Variants in ZFHX3 observed in about 807,000 individuals in gnomAD.
ZFHX3 encodes zinc finger homeobox protein 3.
Under a neutral mutation model 279.1 loss-of-function variants are expected in ZFHX3, and 42 were observed. That is an observed-to-expected ratio of 0.15 (90% CI 0.12 to 0.19). The LOEUF (loss-of-function observed/expected upper bound fraction) is 0.19. Among genes scored for constraint, ZFHX3 ranks in the 10% least tolerant of loss-of-function variants. ZFHX3 has a pLI of 1.00. For synonymous variants in ZFHX3, 2,293 were observed against 1,957.8 expected (o/e 1.17, Z -4.52); for missense variants, 4,981 against 4,754.0 (o/e 1.05, Z -1.40).
chr16:73,626,147 C>T (rs548213182), intron 2 of ZFHX3, among the ~76,000 whole-genome samples: 3 of 152,314 alleles, frequency 2.0e-5, no homozygotes, highest in Non-Finnish European at 4.4e-5. Flanking sequence ...TGAGCCACCA[C>T]GCCCGGCCGA....
intron 4 of ZFHX3, among the ~76,000 whole-genome samples, chr16:73,304,109 C>T (rs896157956): frequency 6.6e-5 from 10 of 152,260 alleles, no homozygotes; most frequent in Middle Eastern, 3.4e-3. Context: ...TCTCTGGCAG[C>T]CTCCCACCAG....
intron 4 of ZFHX3, among the ~76,000 whole-genome samples, chr16:73,263,015 A>AGAGCTACCC (rs1344097553): frequency 6.6e-6 from 1 of 152,160 alleles, no homozygotes. Flanking sequence ...TCAGATTAGA[A>AGAGCTACCC]GAGCTACCCT....
intron 1 of ZFHX3, among the ~76,000 whole-genome samples, chr16:73,722,055 AAACAAAACAAAACAG>A: frequency 6.6e-6 from 1 of 152,304 alleles, no homozygotes; most frequent in East Asian, 1.9e-4. Flanking sequence ...AAACAAAGCA[AAACAAAACAAAACAG>A]AACATTATTC....
Position 72,787,737 on chromosome 16 carries a change from A to G in ZFHX3, c.10539T>C (p.Ser3513=), listed in dbSNP as rs544296333. The change falls in exon 10 of 10, where the codon AGT becomes AGC. Residue 3513 remains serine, a synonymous_variant. Transcript: ENST00000268489. ...HVPTGGGGGG[S]GGGGGGGGGG... Reference sequence around the variant, plus strand: ...CGCCGCCACCGCCGCCGCCGCCGCCACTGCCACCGCCGCCGCCGCCGGTGG... The same window carrying G: ...CGCCGCCACCGCCGCCGCCGCCGCCGCTGCCACCGCCGCCGCCGCCGGTGG... 147 of 1,389,934 alleles carry G rather than the reference A, an allele frequency of 1.1e-4. No homozygotes were observed. The South Asian group carries it at 1.1e-3, about 11-fold the overall frequency. The allele number at this position is 1,389,934 out of a possible 1,614,324, so 86.1% of individuals were successfully genotyped here.
At chr16:72,884,002 T>G (rs745598236) in intron 4 of ZFHX3, among the ~76,000 whole-genome samples, 8 of 151,726 alleles carry the variant, frequency 5.3e-5, no homozygotes, top group Non-Finnish European at 8.8e-5. Flanking sequence ...ACACTGAAAT[T>G]GCATATAATT....
At chr16:72,949,885 C>T (rs1960893230) in intron 3 of ZFHX3, among the ~76,000 whole-genome samples, 2 of 149,494 alleles carry the variant, frequency 1.3e-5, no homozygotes, top group Admixed American at 1.3e-4. Context: ...AGAATGGAAG[C>T]TCTATGAGGG....
At chr16:72,828,021 T>G (rs1042258101) in intron 5 of ZFHX3, among the ~76,000 whole-genome samples, 3 of 152,174 alleles carry the variant, frequency 2.0e-5, no homozygotes, top group Non-Finnish European at 4.4e-5. Flanking sequence ...AATGACCCAT[T>G]TCTTCAGCCT....
intron 2 of ZFHX3, among the ~76,000 whole-genome samples, chr16:73,522,324 C>T (rs1289120150): frequency 1.3e-5 from 2 of 152,122 alleles, no homozygotes; most frequent in Non-Finnish European, 2.9e-5. Context: ...AGATGAAATA[C>T]GTTCTGGTCT....
At chr16:73,873,224 T>C (rs958181684) in intron 1 of ZFHX3, among the ~76,000 whole-genome samples, 2 of 38,404 alleles carry the variant, frequency 5.2e-5, no homozygotes, top group Non-Finnish European at 9.2e-5. Context: ...GGGTGGTGGG[T>C]GGTGGTGGGT....
chr16:73,798,934 T>G (rs527853558), intron 1 of ZFHX3, among the ~76,000 whole-genome samples: 74 of 152,338 alleles, frequency 4.9e-4, no homozygotes, highest in African/African-American at 1.8e-3. Context: ...TCAAATGTCC[T>G]GCTAACATTA....
intron 1 of ZFHX3, among the ~76,000 whole-genome samples, chr16:72,961,872 A>G (rs1195153372): frequency 1.4e-5 from 2 of 144,182 alleles, no homozygotes; most frequent in Non-Finnish European, 3.0e-5. Flanking sequence ...CTTAAAACAG[A>G]GATGACTACA....
Position 72,787,212 on chromosome 16 carries a change from G to A in ZFHX3, c.11064C>T (p.Pro3688=), listed in dbSNP as rs1156340462. ...CTACACTGGTCAGACCACTGTCCTTGGGGCAGCTGGGGTCTTTGGGACCCT... is the reference window on the plus strand; with the variant it reads ...CTACACTGGTCAGACCACTGTCCTTAGGGCAGCTGGGGTCTTTGGGACCCT... ...PVEGPKDPSC[P]KDSGLTSVGT... Residue 3688 remains proline, a synonymous_variant, in exon 10 of 10, where the codon CCC becomes CCT. Coordinates refer to ENST00000268489, the MANE Select transcript of ZFHX3 (RefSeq NM_006885.4). The A allele has an allele frequency of 6.2e-6, 10 of 1,613,726 alleles. No individual in the cohort carries two copies. Among genetic ancestry groups the A allele is most frequent in the Non-Finnish European group, 8.5e-6 (10 of 1,179,898 alleles).
chr16:73,738,938 G>A (rs539543743), intron 1 of ZFHX3, among the ~76,000 whole-genome samples: 66 of 152,176 alleles, frequency 4.3e-4, no homozygotes, highest in Admixed American at 1.5e-3. Context: ...GCTTCCTTTC[G>A]TCTATAACCT....
chr16:73,277,725 C>T lies in ZFHX3; in HGVS notation c.-1193-20589G>A, dbSNP rs151332797. Among the ~76,000 whole-genome samples, 17 of 152,270 alleles carry T rather than the reference C, an allele frequency of 1.1e-4. No individual in the cohort carries two copies. In the East Asian group the frequency reaches 3.3e-3, roughly 29 times the overall value. On this transcript the variant is annotated intron_variant, in intron 4 of 17. Coordinates refer to the ZFHX3 transcript ENST00000641206. ...ATGTCTCTGCATGAGTCCATTCTCGCATTGCTATAATACTCGGGACTGAGT... is the reference window on the plus strand; with the variant it reads ...ATGTCTCTGCATGAGTCCATTCTCGTATTGCTATAATACTCGGGACTGAGT...
chr16:73,001,351 G>C (rs550956738), intron 1 of ZFHX3, among the ~76,000 whole-genome samples: 27 of 152,138 alleles, frequency 1.8e-4, no homozygotes, highest in Non-Finnish European at 3.7e-4. Context: ...CACGGCCCCA[G>C]GTAAACACTT....
chr16:73,499,318 G>C (rs1383175699), intron 2 of ZFHX3: 1 of 152,226 alleles, frequency 6.6e-6, no homozygotes, highest in Non-Finnish European at 1.5e-5. Context: ...TTGCAAATGA[G>C]TCCGCGTGAT....
intron 1 of ZFHX3, among the ~76,000 whole-genome samples, chr16:73,732,266 G>C (rs1296480452): frequency 6.6e-6 from 1 of 152,186 alleles, no homozygotes; most frequent in Admixed American, 6.5e-5. Context: ...ACTGAGAAAA[G>C]AATACTCCAA....
chr16:73,839,064 A>C (rs1961222533), intron 1 of ZFHX3, among the ~76,000 whole-genome samples: 1 of 152,000 alleles, frequency 6.6e-6, no homozygotes. Flanking sequence ...TACTAATGTC[A>C]GTGGGTACTT....
chr16:72,925,976 A>AT (rs1217540566), intron 3 of ZFHX3, among the ~76,000 whole-genome samples: 6 of 152,228 alleles, frequency 3.9e-5, no homozygotes, highest in Admixed American at 3.9e-4. Context: ...GAGTTAACTT[A>AT]TAATTATTAC....
Sources: gnomAD v4.1 joint callset for allele counts (sites outside exome capture counted in the v4.1 genomes callset) on GRCh38, gnomAD v4.1.1 for gene constraint, MANE v1.5 for transcripts, NCBI Gene and HGNC (gene_info 2026-07-23, HGNC 2026-07-21) for gene names.